Variants in C8orf34 observed in about 807,000 individuals in gnomAD.
C8orf34 encodes the protein chromosome 8 open reading frame 34.
C8orf34 carries 65 observed loss-of-function variants against 68.3 expected under a neutral mutation model. The observed-to-expected ratio is 0.95, with a 90% CI of 0.78 to 1.17. The LOEUF (loss-of-function observed/expected upper bound fraction) is 1.17. Among genes scored for constraint, C8orf34 ranks in the 50% most tolerant of loss-of-function variants. The pLI, the probability that C8orf34 is intolerant of heterozygous loss-of-function variation, is 0.00. For synonymous variants in C8orf34, 244 were observed against 241.2 expected (o/e 1.01, Z -0.11); for missense variants, 664 against 655.4 (o/e 1.01, Z -0.14).
chr8:68,441,005 T>C lies in C8orf34; in HGVS notation c.475+1359T>C, dbSNP rs542717402. Among the ~76,000 whole-genome samples the C allele has an allele frequency of 6.5e-3, 988 of 152,096 alleles. 6 individuals carry two copies. The highest frequency in any genetic ancestry group is 0.01 in the Non-Finnish European group (698 of 67,980). ...ATTTTTAGTAGAGACGGGGTTTCAC[T>C]GTGTTAGCCAGGATGGTCTCGATCT... On this transcript the variant is annotated intron_variant, in intron 2 of 13. Coordinates refer to ENST00000518698, the MANE Select transcript of C8orf34 (RefSeq NM_052958.4).
intron 5 of C8orf34, among the ~76,000 whole-genome samples, chr8:68,519,539 T>C (rs1299716708): frequency 1.3e-5 from 2 of 150,402 alleles, no homozygotes; most frequent in African/African-American, 5.0e-5. Context: ...GTGAATTTTA[T>C]AGCAATCTGA....
chr8:68,614,753 G>T (rs1008956742), intron 7 of C8orf34, among the ~76,000 whole-genome samples: 5 of 152,174 alleles, frequency 3.3e-5, no homozygotes, highest in Non-Finnish European at 5.9e-5. Context: ...TTTGGCTTAG[G>T]ATTGACTTGG....
intron 7 of C8orf34, among the ~76,000 whole-genome samples, chr8:68,565,031 C>T (rs1816543610): frequency 1.3e-5 from 2 of 152,218 alleles, no homozygotes; most frequent in South Asian, 4.1e-4. Flanking sequence ...GAAGTGTCTT[C>T]TTTCTTCCAT....
At position 68,739,332 on chromosome 8, in the gene C8orf34, G is replaced by A. The variant is rs138602909; in HGVS notation, c.1404+17895G>A. Among the ~76,000 whole-genome samples, 54 of 151,748 alleles carry A rather than the reference G, an allele frequency of 3.6e-4. 1 individual carries two copies. The East Asian group carries it at 4.5e-3, about 13-fold the overall frequency. On this transcript the variant is annotated intron_variant, in intron 10 of 13. Transcript: ENST00000518698. ...CATATCTGACAAACCCACAGCCAAC[G>A]TCATACCAAACGGATAAAAGCTGGA...
At chr8:68,708,504 G>A (rs1363815595) in intron 8 of C8orf34, among the ~76,000 whole-genome samples, 1 of 152,166 alleles carries the variant, frequency 6.6e-6, no homozygotes, top group Non-Finnish European at 1.5e-5. Flanking sequence ...TCACACATTA[G>A]GAAACTTTAC....
In C8orf34 at chr8:68,757,502, C is replaced by T. The variant is rs534183935; in HGVS notation, c.1405-18897C>T. On this transcript the variant is annotated intron_variant, in intron 10 of 13. Coordinates refer to ENST00000518698, the MANE Select transcript of C8orf34 (RefSeq NM_052958.4). ...AAAATTAGCCGGGTATGATGGCGGGCGCCTGTAGTCCCAGCTTCTGAGGCA... is the reference window on the plus strand; with the variant it reads ...AAAATTAGCCGGGTATGATGGCGGGTGCCTGTAGTCCCAGCTTCTGAGGCA... Among the ~76,000 whole-genome samples, 16 of 152,060 alleles carry T rather than the reference C, an allele frequency of 1.1e-4. No individual in the cohort carries two copies. The East Asian group carries it at 2.7e-3, about 26-fold the overall frequency.
At chr8:68,734,030 T>G (rs1822057478) in intron 10 of C8orf34, among the ~76,000 whole-genome samples, 1 of 152,148 alleles carries the variant, frequency 6.6e-6, no homozygotes, top group African/African-American at 2.4e-5. Flanking sequence ...TTTTTTTATG[T>G]TTATCAAGAA....
chr8:68,679,450 C>A (rs1430028525), intron 8 of C8orf34, among the ~76,000 whole-genome samples: 1 of 152,000 alleles, frequency 6.6e-6, no homozygotes, highest in Non-Finnish European at 1.5e-5. Flanking sequence ...GAAAGGTATT[C>A]CATATTCATG....
At chr8:68,486,216 CTG>C (rs1357020141) in intron 4 of C8orf34, among the ~76,000 whole-genome samples, 2 of 152,138 alleles carry the variant, frequency 1.3e-5, no homozygotes, top group African/African-American at 4.8e-5. Context: ...TAATTGCACT[CTG>C]AGATCTCTTA....
At chr8:68,741,007 C>T (rs1386227067) in intron 10 of C8orf34, among the ~76,000 whole-genome samples, 1 of 151,866 alleles carries the variant, frequency 6.6e-6, no homozygotes, top group Non-Finnish European at 1.5e-5. Flanking sequence ...TGTGTTCTCA[C>T]TTATAAATGG....
intron 7 of C8orf34, among the ~76,000 whole-genome samples, chr8:68,546,759 A>T (rs1461921322): frequency 6.6e-6 from 1 of 151,830 alleles, no homozygotes; most frequent in Non-Finnish European, 1.5e-5. Flanking sequence ...TTATAACAAC[A>T]TGATTAAATT....
intron 5 of C8orf34, among the ~76,000 whole-genome samples, chr8:68,500,035 G>A (rs35545877): frequency 1.3e-5 from 2 of 151,916 alleles, no homozygotes; most frequent in Non-Finnish European, 2.9e-5. Flanking sequence ...CTCTGGCCAT[G>A]TGAAATGGTG....
chr8:68,727,813 C>T (rs1039544985), intron 10 of C8orf34, among the ~76,000 whole-genome samples: 2 of 152,188 alleles, frequency 1.3e-5, no homozygotes, highest in African/African-American at 2.4e-5. Flanking sequence ...GCACCAAGTC[C>T]CTAAGCTGCA....
intron 1 of C8orf34, among the ~76,000 whole-genome samples, chr8:68,405,314 TG>T (rs1809146717): frequency 6.6e-6 from 1 of 152,156 alleles, no homozygotes; most frequent in Non-Finnish European, 1.5e-5. Flanking sequence ...CCACCTCAAA[TG>T]CTAAGAGTTT....
chr8:68,375,293 T>G lies in C8orf34; in HGVS notation c.327+43954T>G, dbSNP rs552838074. ...TAAAACATTTTGTTATTCACAATATTTAGGTGCATGTATAAATTATATGCA... is the reference window on the plus strand; with the variant it reads ...TAAAACATTTTGTTATTCACAATATGTAGGTGCATGTATAAATTATATGCA... On this transcript the variant is annotated intron_variant, in intron 1 of 13. Transcript: ENST00000518698. Among the ~76,000 whole-genome samples, 312 of 152,352 alleles carry G rather than the reference T, an allele frequency of 2.0e-3. 1 individual carries two copies. Among genetic ancestry groups the G allele is most frequent in the African/African-American group, 7.2e-3 (300 of 41,586 alleles).
intron 8 of C8orf34, among the ~76,000 whole-genome samples, chr8:68,694,051 C>CA (rs1298593291): frequency 6.6e-6 from 1 of 151,886 alleles, no homozygotes; most frequent in African/African-American, 2.4e-5. Flanking sequence ...GTGGATGCTC[C>CA]GAAAAATATA....
intron 4 of C8orf34, among the ~76,000 whole-genome samples, chr8:68,473,561 C>T (rs1046263691): frequency 2.0e-5 from 3 of 152,146 alleles, no homozygotes; most frequent in African/African-American, 7.2e-5. Flanking sequence ...GGTTGCTTGT[C>T]TATGTCTGCA....
chr8:68,720,078 C>G (rs1175034789), intron 9 of C8orf34, among the ~76,000 whole-genome samples: 1 of 151,850 alleles, frequency 6.6e-6, no homozygotes, highest in Non-Finnish European at 1.5e-5. Flanking sequence ...GTATAATTCT[C>G]CTGATTTTAT....
intron 6 of C8orf34, among the ~76,000 whole-genome samples, chr8:68,524,250 A>C (rs996708633): frequency 2.0e-5 from 3 of 152,238 alleles, no homozygotes; most frequent in African/African-American, 7.2e-5. Flanking sequence ...ATGGCATAAT[A>C]AACCTTGAGA....
Sources: allele counts gnomAD v4.1 joint callset (sites outside exome capture counted in the v4.1 genomes callset), GRCh38; gene constraint gnomAD v4.1.1; transcripts MANE v1.5; gene names NCBI Gene and HGNC (gene_info 2026-07-23, HGNC 2026-07-21).